The following DUSP16 variants were observed in gnomAD, a reference collection of about 807,000 sequenced individuals.
The protein encoded by DUSP16 is dual specificity protein phosphatase 16.
In DUSP16, 21 loss-of-function variants were observed where a neutral mutation model predicts 58.3. That is an observed-to-expected ratio of 0.36 (90% confidence interval 0.26 to 0.52). The LOEUF is 0.52. DUSP16 is among the 20% of genes least tolerant of loss of function. The pLI is 0.94. For missense variants in DUSP16, 726 were observed against 819.0 expected, an observed-to-expected ratio of 0.89 and a Z score of 1.39; for synonymous variants, 320 against 323.8, an observed-to-expected ratio of 0.99 and a Z score of 0.12.
chr12:12,548,559 G>T (rs1278099276), intron 1 of DUSP16, among the ~76,000 whole-genome samples: 1 of 146,778 alleles, frequency 6.8e-6, no homozygotes, highest in Non-Finnish European at 1.5e-5. Flanking sequence ...TTGAACCCAG[G>T]AGGCAGAGGT....
At chr12:12,517,616 A>G (rs1173182651) in intron 3 of DUSP16, among the ~76,000 whole-genome samples, 1 of 152,136 alleles carries the variant, frequency 6.6e-6, no homozygotes, top group African/African-American at 2.4e-5. Flanking sequence ...GAGAATCCCC[A>G]ATTGCTTTTG....
At chr12:12,559,481 C>T (rs1944862154) in intron 1 of DUSP16, among the ~76,000 whole-genome samples, 1 of 152,126 alleles carries the variant, frequency 6.6e-6, no homozygotes, top group Non-Finnish European at 1.5e-5. Flanking sequence ...AATTAAAGTA[C>T]CTTTTGCTTG....
At chr12:12,554,664 A>G (rs1007998988) in intron 1 of DUSP16, 10 of 148,626 alleles carry the variant, frequency 6.7e-5, no homozygotes, top group African/African-American at 2.5e-4. Context: ...TTCTGCCTGT[A>G]AGTACATCCA....
At chr12:12,500,820 C>A (rs1943897600) in intron 3 of DUSP16, 138 bp from the exon 4 acceptor site, 1 of 785,434 alleles carries the variant, frequency 1.3e-6, no homozygotes, top group Non-Finnish European at 1.9e-6. Flanking sequence ...GCTACAGCTG[C>A]TGATGCTAAG....
intron 4 of DUSP16, among the ~76,000 whole-genome samples, chr12:12,488,751 A>C (rs1943720016): frequency 6.6e-6 from 1 of 152,126 alleles, no homozygotes; most frequent in Non-Finnish European, 1.5e-5. Flanking sequence ...CATTTACTAC[A>C]TTTGGCACAA....
intron 1 of DUSP16, among the ~76,000 whole-genome samples, chr12:12,556,330 G>A (rs1944805464): frequency 6.6e-6 from 1 of 152,104 alleles, no homozygotes; most frequent in Admixed American, 6.6e-5. Flanking sequence ...GACTAAGGCA[G>A]GAAGACTGCT....
chr12:12,493,975 C>G (rs922767100), intron 4 of DUSP16, among the ~76,000 whole-genome samples: 8 of 152,164 alleles, frequency 5.3e-5, no homozygotes, highest in Admixed American at 5.2e-4. Flanking sequence ...TGGTGTACCC[C>G]CAGCACCTAG....
chr12:12,535,302 C>A (rs1319466413), intron 1 of DUSP16, among the ~76,000 whole-genome samples: 1 of 152,144 alleles, frequency 6.6e-6, no homozygotes, highest in Non-Finnish European at 1.5e-5. Context: ...TAGTAATGGG[C>A]TATATCCCAT....
chr12:12,501,985 G>A (rs1307069439), intron 3 of DUSP16, among the ~76,000 whole-genome samples: 6 of 151,828 alleles, frequency 4.0e-5, no homozygotes, highest in South Asian at 4.2e-4. Context: ...GCAACACTCC[G>A]TCTCAAAAAC....
chr12:12,510,418 G>A (rs923866283), intron 3 of DUSP16, among the ~76,000 whole-genome samples: 7 of 152,208 alleles, frequency 4.6e-5, no homozygotes, highest in South Asian at 2.1e-4. Flanking sequence ...TCCATGTGAA[G>A]CGCAAAGCTT....
intron 4 of DUSP16, among the ~76,000 whole-genome samples, chr12:12,497,354 T>C (rs1592174973): frequency 6.6e-6 from 1 of 152,154 alleles, no homozygotes; most frequent in Admixed American, 6.5e-5. Flanking sequence ...GACTTAAGAT[T>C]TCAGTCCTTC....
At chr12:12,508,641 T>TA (rs34743015) in intron 3 of DUSP16, among the ~76,000 whole-genome samples, 46,890 of 152,038 alleles carry the variant, frequency 0.31, 7,742 homozygotes, top group Non-Finnish European at 0.35. Flanking sequence ...AGTGGATAGA[T>TA]ACGCATTTCT....
intron 4 of DUSP16, among the ~76,000 whole-genome samples, chr12:12,498,387 A>G (rs1229681279): frequency 1.4e-5 from 2 of 147,406 alleles, no homozygotes; most frequent in African/African-American, 2.4e-5. Context: ...GCATTTCTTT[A>G]TTTTATTTTT....
At chr12:12,553,402 T>C (rs1050047256) in intron 1 of DUSP16, among the ~76,000 whole-genome samples, 1 of 152,216 alleles carries the variant, frequency 6.6e-6, no homozygotes, top group African/African-American at 2.4e-5. Flanking sequence ...TCTAAGGCCT[T>C]AGTTTCCTCA....
At chr12:12,494,100 T>C (rs930470526) in intron 4 of DUSP16, among the ~76,000 whole-genome samples, 1 of 152,228 alleles carries the variant, frequency 6.6e-6, no homozygotes, top group African/African-American at 2.4e-5. Flanking sequence ...TTTATTAGCA[T>C]CTTCTAATGA....
At chr12:12,510,389 C>G (rs192124832) in intron 3 of DUSP16, among the ~76,000 whole-genome samples, 1 of 152,324 alleles carries the variant, frequency 6.6e-6, no homozygotes, top group East Asian at 1.9e-4. Context: ...TCACACTATA[C>G]AGCTCACTTC....
chr12:12,531,798 G>A (rs377157489), intron 1 of DUSP16, among the ~76,000 whole-genome samples: 18 of 151,130 alleles, frequency 1.2e-4, no homozygotes, highest in African/African-American at 4.1e-4. Context: ...TTGAACTTGG[G>A]AGGTGGACAC....
chr12:12,482,756 C>T (rs1431163306), intron 5 of DUSP16, among the ~76,000 whole-genome samples: 1 of 152,198 alleles, frequency 6.6e-6, no homozygotes, highest in African/African-American at 2.4e-5. Context: ...CTCTGTTCAT[C>T]CAGGCTGGAG....
chr12:12,477,922 T>C lies in DUSP16; in HGVS notation c.909A>G (p.Gly303=). 1 of 1,614,184 alleles carries C rather than the reference T, an allele frequency of 6.2e-7. No homozygotes were observed. Among genetic ancestry groups the C allele is most frequent in the Middle Eastern group, 1.6e-4 (1 of 6,062 alleles). ...DYEKKIKNQT[G]ASGPKSKLKL... ...TGAGTTTGCTCTTTGGCCCTGATGCTCCAGTCTGGTTCTTAATCTTCTTCT... is the reference window on the plus strand; with the variant it reads ...TGAGTTTGCTCTTTGGCCCTGATGCCCCAGTCTGGTTCTTAATCTTCTTCT... The change falls in exon 7 of 7, where the codon GGA becomes GGG. Residue 303 remains glycine (G), a synonymous_variant. Transcript: ENST00000298573. The surrounding 1 kb of genome is among the most constrained non-coding windows in gnomAD (Gnocchi z 4.1).
Sources: gnomAD v4.1 joint callset for allele counts (sites outside exome capture counted in the v4.1 genomes callset) on GRCh38, gnomAD v4.1.1 for gene constraint, Gnocchi (gnomAD v3.1) non-coding constraint, MANE v1.5 for transcripts, NCBI Gene and HGNC (gene_info 2026-07-23, HGNC 2026-07-21) for gene names.